CPEB3: variants seen among roughly 807,000 people sequenced by gnomAD.
The protein encoded by CPEB3 is cytoplasmic polyadenylation element binding protein 3, also known as cytoplasmic polyadenylation element-binding protein 3.
A neutral mutation model predicts 67.2 loss-of-function variants in CPEB3; 20 were observed. The observed-to-expected ratio is 0.30, with a 90% confidence interval of 0.21 to 0.43. The LOEUF (loss-of-function observed/expected upper bound fraction) is 0.43. CPEB3 is among the 20% of genes least tolerant of loss of function. The pLI is 1.00. For missense variants in CPEB3, 746 were observed against 968.6 expected, an observed-to-expected ratio of 0.77 and a Z score of 3.05; for synonymous variants, 376 against 393.1, an observed-to-expected ratio of 0.96 and a Z score of 0.51.
At chr10:92,279,285 A>C (rs1842149862) in intron 1 of CPEB3, among the ~76,000 whole-genome samples, 1 of 152,086 alleles carries the variant, frequency 6.6e-6, no homozygotes, top group Non-Finnish European at 1.5e-5. Context: ...ATCAGTGAAC[A>C]CCCTGGCTTT....
At chr10:92,251,670 C>G (rs1460330287) in intron 1 of CPEB3, among the ~76,000 whole-genome samples, 2 of 151,904 alleles carry the variant, frequency 1.3e-5, no homozygotes, top group Admixed American at 6.6e-5. Flanking sequence ...AAATCAATTC[C>G]AGATGGATTG....
At chr10:92,240,453 A>G (rs1242258466) in intron 1 of CPEB3, 92 bp from the exon 2 acceptor site, 2 of 1,231,708 alleles carry the variant, frequency 1.6e-6, no homozygotes, top group Non-Finnish European at 2.2e-6. Flanking sequence ...GCGAAAATCC[A>G]TCGCCACCGC....
chr10:92,076,891 GAGGA>G (rs1446471322), intron 9 of CPEB3, among the ~76,000 whole-genome samples: 2 of 151,644 alleles, frequency 1.3e-5, no homozygotes, highest in African/African-American at 4.8e-5. Flanking sequence ...AAGGAAGGAA[GAGGA>G]AGGAAGGAAG....
At position 92,177,062 on chromosome 10, in the gene CPEB3, T is replaced by C. The variant is rs947577786; in HGVS notation, c.1222+3901A>G. Among the ~76,000 whole-genome samples the C allele has an allele frequency of 1.2e-4, 19 of 152,228 alleles. No individual in the cohort carries two copies. The East Asian group carries it at 1.5e-3, about 12-fold the overall frequency. ...GCCACAAGGTTGGACATCCCTGACC[T>C]AGAATGTAAAAAAGAAAAAGAAAAA... is the stretch of plus-strand genomic sequence containing the variant. On this transcript the variant is annotated intron_variant, in intron 4 of 9. Coordinates refer to ENST00000265997, the MANE Select transcript of CPEB3 (RefSeq NM_014912.5).
At chr10:92,088,641 A>G (rs974820656) in intron 8 of CPEB3, among the ~76,000 whole-genome samples, 1 of 152,168 alleles carries the variant, frequency 6.6e-6, no homozygotes, top group African/African-American at 2.4e-5. Context: ...AAAAAAAAAA[A>G]ACTCACAAGA....
chr10:92,224,458 T>C (rs182978627), intron 2 of CPEB3, among the ~76,000 whole-genome samples: 4 of 152,278 alleles, frequency 2.6e-5, no homozygotes, highest in Admixed American at 6.5e-5. Flanking sequence ...ACTTATCTAC[T>C]TCTCCAGCCT....
At chr10:92,276,277 C>CTTTT (rs769749643) in intron 1 of CPEB3, among the ~76,000 whole-genome samples, 27 of 108,226 alleles carry the variant, frequency 2.5e-4, no homozygotes, top group African/African-American at 4.4e-4. Flanking sequence ...TTTTTCTTTT[C>CTTTT]TTTTTTTTTT....
intron 8 of CPEB3, among the ~76,000 whole-genome samples, chr10:92,085,862 G>C (rs941047888): frequency 1.3e-5 from 2 of 151,994 alleles, no homozygotes; most frequent in African/African-American, 2.4e-5. Flanking sequence ...CACCTGCCTT[G>C]GCCTCCCAAA....
chr10:92,166,880 C>T (rs1373694753), intron 4 of CPEB3, among the ~76,000 whole-genome samples: 1 of 152,230 alleles, frequency 6.6e-6, no homozygotes, highest in East Asian at 1.9e-4. Flanking sequence ...ATGGCTGTTT[C>T]ACCTACACTG....
intron 3 of CPEB3, among the ~76,000 whole-genome samples, chr10:92,182,825 CAA>C (rs781545538): frequency 1.2e-4 from 6 of 49,126 alleles, no homozygotes; most frequent in Admixed American, 6.7e-4. Context: ...GACTCCGTCT[CAA>C]AAAAAAAAAA....
In CPEB3 at chr10:92,289,732, A is replaced by AAAAAAT; in HGVS notation, c.-12+1193_-12+1194insATTTTT. The stretch of plus-strand genomic sequence containing the variant: ...CGCGTCTCTACCAAAAAAAAAAAAA[A>AAAAAAT]ATATATATATATATATATATATATA... On this transcript the variant is annotated intron_variant, in intron 1 of 9. Coordinates refer to ENST00000265997, the MANE Select transcript of CPEB3 (RefSeq NM_014912.5). Among the ~76,000 whole-genome samples the AAAAAAT allele has an allele frequency of 1.0e-3, 78 of 75,744 alleles. 5 individuals carry two copies. The highest frequency in any genetic ancestry group is 1.5e-3 in the African/African-American group (30 of 19,586). The allele number at this position is 75,744 out of a possible 152,430, so 49.7% of individuals were successfully genotyped here. A position where few individuals can be genotyped will look rare whatever the true frequency, so the allele number is the denominator to read the frequency against.
intron 4 of CPEB3, among the ~76,000 whole-genome samples, chr10:92,160,643 C>T (rs1847428955): frequency 1.3e-5 from 2 of 151,916 alleles, no homozygotes; most frequent in South Asian, 4.2e-4. Flanking sequence ...CATTTTTTTC[C>T]CCTTATATCT....
intron 6 of CPEB3, among the ~76,000 whole-genome samples, chr10:92,128,918 G>A (rs1189861346): frequency 6.6e-6 from 1 of 152,218 alleles, no homozygotes; most frequent in African/African-American, 2.4e-5. Context: ...TTCAGCCATT[G>A]TGGAAAACAG....
intron 2 of CPEB3, among the ~76,000 whole-genome samples, chr10:92,213,812 T>C (rs569281949): frequency 6.6e-6 from 1 of 152,264 alleles, no homozygotes; most frequent in South Asian, 2.1e-4. Flanking sequence ...TAGAGCTAAT[T>C]ATAATATGGC....
At chr10:92,191,381 A>G (rs930335926) in intron 3 of CPEB3, among the ~76,000 whole-genome samples, 2 of 151,198 alleles carry the variant, frequency 1.3e-5, no homozygotes, top group Non-Finnish European at 2.9e-5. Flanking sequence ...CACTGTCTCA[A>G]AAAAATAAAA....
At chr10:92,073,204 A>T (rs1449331628) in intron 9 of CPEB3, among the ~76,000 whole-genome samples, 2 of 151,524 alleles carry the variant, frequency 1.3e-5, no homozygotes, top group Non-Finnish European at 2.9e-5. Flanking sequence ...TGCACTGCTA[A>T]TTTTTTTTAT....
chr10:92,199,679 C>CAA (rs59100106), intron 2 of CPEB3, among the ~76,000 whole-genome samples: 99 of 70,918 alleles, frequency 1.4e-3, no homozygotes, highest in Non-Finnish European at 1.9e-3. Flanking sequence ...GACTCCATCT[C>CAA]AAAAAAAAAA....
intron 6 of CPEB3, among the ~76,000 whole-genome samples, chr10:92,140,325 C>A (rs985522851): frequency 6.6e-6 from 1 of 152,120 alleles, no homozygotes; most frequent in Admixed American, 6.5e-5. Context: ...AGAAATAATG[C>A]CGCATATCTA....
chr10:92,192,010 G>A (rs921086487), intron 3 of CPEB3, among the ~76,000 whole-genome samples: 5 of 152,186 alleles, frequency 3.3e-5, no homozygotes, highest in African/African-American at 4.8e-5. Context: ...CTAAGCCTGT[G>A]TGGTGATACT....
Sources: allele counts gnomAD v4.1 joint callset (sites outside exome capture counted in the v4.1 genomes callset), GRCh38; gene constraint gnomAD v4.1.1; transcripts MANE v1.5; gene names NCBI Gene and HGNC (gene_info 2026-07-23, HGNC 2026-07-21).